LCP1: variants seen among roughly 807,000 people sequenced by gnomAD.
The protein encoded by LCP1 is plastin-2.
A neutral mutation model predicts 72.0 loss-of-function variants in LCP1; 23 were observed. The observed-to-expected ratio is 0.32, with a 90% CI of 0.23 to 0.45. The LOEUF (loss-of-function observed/expected upper bound fraction) is 0.45, where lower values mean the gene tolerates loss of function less well. Ranked by LOEUF, LCP1 falls within the 20% of genes least tolerant of loss-of-function variation. LCP1 has a pLI of 1.00. For synonymous variants in LCP1, 245 were observed against 275.4 expected, an observed-to-expected ratio of 0.89 and a Z score of 1.09; for missense variants, 571 against 748.3, an observed-to-expected ratio of 0.76 and a Z score of 2.76.
At chr13:46,147,669 A>G (rs2045739205) in intron 9 of LCP1, among the ~76,000 whole-genome samples, 1 of 152,106 alleles carries the variant, frequency 6.6e-6, no homozygotes, top group East Asian at 1.9e-4. Context: ...TATCAATTTT[A>G]TTTTTGCAGA....
chr13:46,155,035 C>T (rs1053159423), intron 5 of LCP1, 149 bp from the exon 6 acceptor site: 20 of 656,632 alleles, frequency 3.0e-5, no homozygotes, highest in Non-Finnish European at 4.2e-5. Context: ...TGCCGTTTGA[C>T]TAGACTCAAA....
intron 13 of LCP1, among the ~76,000 whole-genome samples, chr13:46,141,709 C>T (rs1256202149): frequency 6.6e-6 from 1 of 152,078 alleles, no homozygotes; most frequent in African/African-American, 2.4e-5. Flanking sequence ...CACCAGCAAA[C>T]TTGTGCTATT....
chr13:46,157,267 T>C (rs1397308067), intron 4 of LCP1, among the ~76,000 whole-genome samples: 5 of 151,822 alleles, frequency 3.3e-5, no homozygotes, highest in South Asian at 2.1e-4. Context: ...CATATATATA[T>C]ACACATATAA....
intron 1 of LCP1, among the ~76,000 whole-genome samples, chr13:46,170,956 A>C (rs1422516380): frequency 2.0e-5 from 3 of 152,236 alleles, no homozygotes; most frequent in Non-Finnish European, 4.4e-5. Flanking sequence ...TCAACAGAGC[A>C]GTAGGAGATT....
intron 9 of LCP1, 44 bp downstream of exon 9, chr13:46,148,308 A>C (rs10492451): frequency 0.043 from 59,411 of 1,392,170 alleles, 2,998 homozygotes; most frequent in African/African-American, 0.24. Context: ...GCCAACATGA[A>C]AATAGCATCA....
chr13:46,157,973 C>A (rs915682653), intron 4 of LCP1, among the ~76,000 whole-genome samples: 1 of 152,054 alleles, frequency 6.6e-6, no homozygotes, highest in East Asian at 1.9e-4. Flanking sequence ...GTGATCCACC[C>A]GCCTTGGCCT....
chr13:46,176,734 A>G (rs1382208385), intron 1 of LCP1, among the ~76,000 whole-genome samples: 1 of 152,254 alleles, frequency 6.6e-6, no homozygotes, highest in African/African-American at 2.4e-5. Flanking sequence ...TGCAATTCAC[A>G]TGCATAATTA....
chr13:46,146,206 C>T (rs555080390), intron 10 of LCP1, among the ~76,000 whole-genome samples: 5 of 152,290 alleles, frequency 3.3e-5, no homozygotes, highest in Non-Finnish European at 7.4e-5. Context: ...TGCTGCATTT[C>T]TAGTGAGAGT....
intron 1 of LCP1, among the ~76,000 whole-genome samples, chr13:46,162,035 G>T (rs927481614): frequency 2.6e-5 from 4 of 152,106 alleles, no homozygotes; most frequent in African/African-American, 9.7e-5. Flanking sequence ...GCATAGGTAT[G>T]TATATTCTCA....
At chr13:46,127,918 A>T (rs1197832996) in intron 15 of LCP1, among the ~76,000 whole-genome samples, 195 bp from the exon 16 acceptor site, 1 of 152,030 alleles carries the variant, frequency 6.6e-6, no homozygotes, top group Middle Eastern at 3.2e-3. Context: ...AAAGCATCAG[A>T]CTTGCTGGCT....
intron 1 of LCP1, among the ~76,000 whole-genome samples, chr13:46,174,300 C>T (rs2045917655): frequency 6.8e-6 from 1 of 147,256 alleles, no homozygotes; most frequent in South Asian, 2.3e-4. Flanking sequence ...CTCTCTTTAT[C>T]TTCATTTTTT....
At chr13:46,158,426 GTTTGCTTCTGTC>G (rs2045816809) in intron 4 of LCP1, 84 bp downstream of exon 4, 6 of 1,413,830 alleles carry the variant, frequency 4.2e-6, no homozygotes, top group Non-Finnish European at 5.8e-6. Context: ...ATAAAGCTGT[GTTTGCTTCTGTC>G]TTTGTTTACA....
At chr13:46,159,500 T>C in intron 2 of LCP1, 99 bp downstream of exon 2, 2 of 917,228 alleles carry the variant, frequency 2.2e-6, no homozygotes, top group Non-Finnish European at 3.6e-6. Flanking sequence ...TTTCTTGTCA[T>C]CTCTGAAATT....
chr13:46,131,301 G>A (rs907452268), intron 14 of LCP1, among the ~76,000 whole-genome samples: 6 of 152,182 alleles, frequency 3.9e-5, no homozygotes, highest in African/African-American at 1.4e-4. Flanking sequence ...AAACCACAAT[G>A]AGATACCACT....
intron 1 of LCP1, among the ~76,000 whole-genome samples, chr13:46,177,205 A>G (rs1280843599): frequency 2.6e-5 from 4 of 152,218 alleles, no homozygotes; most frequent in Admixed American, 6.5e-5. Flanking sequence ...ATTCTTTCTC[A>G]GTTTTTAGGA....
At chr13:46,179,469 A>G (rs2045946602) in intron 1 of LCP1, among the ~76,000 whole-genome samples, 4 of 152,226 alleles carry the variant, frequency 2.6e-5, no homozygotes, top group Non-Finnish European at 5.9e-5. Context: ...CTGTCAGCAA[A>G]TAAGTACTTG....
chr13:46,148,653 G>A (rs968134290), intron 8 of LCP1: 27 of 515,586 alleles, frequency 5.2e-5, no homozygotes, highest in East Asian at 7.9e-5. Context: ...TAAAAGGAGC[G>A]TAACAATAAA....
intron 4 of LCP1, 73 bp downstream of exon 4, chr13:46,158,449 T>C: frequency 6.5e-7 from 1 of 1,537,126 alleles, no homozygotes; most frequent in Non-Finnish European, 8.9e-7. Context: ...TTTGTTTACA[T>C]CCCTTAGGTT....
At chr13:46,167,766 G>A (rs1309768402) in intron 1 of LCP1, among the ~76,000 whole-genome samples, 2 of 152,124 alleles carry the variant, frequency 1.3e-5, no homozygotes, top group African/African-American at 2.4e-5. Context: ...CTCCATATAT[G>A]TGTCTGTATG....
Sources: gnomAD v4.1 joint callset for allele counts (sites outside exome capture counted in the v4.1 genomes callset) on GRCh38, gnomAD v4.1.1 for gene constraint, MANE v1.5 for transcripts, NCBI Gene and HGNC (gene_info 2026-07-23, HGNC 2026-07-21) for gene names.